The following RABGAP1 variants were observed in gnomAD, a reference collection of about 807,000 sequenced individuals.
RABGAP1 encodes rab GTPase-activating protein 1.
A neutral mutation model predicts 137.6 loss-of-function variants in RABGAP1; 23 were observed. The observed-to-expected ratio is 0.17, with a 90% CI of 0.12 to 0.24. The LOEUF is 0.24. Ranked by LOEUF, RABGAP1 falls within the 10% of genes least tolerant of loss-of-function variation. The pLI, the probability that RABGAP1 is intolerant of heterozygous loss-of-function variation, is 1.00. For missense variants in RABGAP1, 906 were observed against 1,275.8 expected, an observed-to-expected ratio of 0.71 and a Z score of 4.42; for synonymous variants, 451 against 450.7, an observed-to-expected ratio of 1.00 and a Z score of -0.01.
chr9:123,050,325 G>T (rs1010361766), intron 13 of RABGAP1, among the ~76,000 whole-genome samples: 2 of 152,192 alleles, frequency 1.3e-5, no homozygotes, highest in East Asian at 1.9e-4. Context: ...TTGTTAATCA[G>T]TGGCAGTTTT....
chr9:123,073,475 T>C, intron 15 of RABGAP1, 77 bp from the exon 16 acceptor site: 1 of 1,519,744 alleles, frequency 6.6e-7, no homozygotes, highest in Non-Finnish European at 8.9e-7. Flanking sequence ...GGATTTAATA[T>C]CCTGAGAAAA....
chr9:123,035,636 T>C, intron 13 of RABGAP1: 4 of 1,260,942 alleles, frequency 3.2e-6, no homozygotes, highest in African/African-American at 1.6e-5. Flanking sequence ...GTTACGGGGT[T>C]CCCGTGTGTG....
At chr9:123,048,999 A>T (rs1325936957) in intron 13 of RABGAP1, among the ~76,000 whole-genome samples, 2 of 152,232 alleles carry the variant, frequency 1.3e-5, no homozygotes, top group Admixed American at 6.5e-5. Flanking sequence ...ATCACATGGG[A>T]CTTAGATTTA....
At chr9:122,965,011 G>A (rs186790284) in intron 2 of RABGAP1, among the ~76,000 whole-genome samples, 2 of 151,984 alleles carry the variant, frequency 1.3e-5, no homozygotes, top group African/African-American at 2.4e-5. Flanking sequence ...TAGAAAAAAA[G>A]ATTTCAAGAA....
At chr9:122,980,693 A>G (rs1369550531) in intron 2 of RABGAP1, among the ~76,000 whole-genome samples, 1 of 152,226 alleles carries the variant, frequency 6.6e-6, no homozygotes, top group Non-Finnish European at 1.5e-5. Flanking sequence ...ATGTGCCAAA[A>G]GTAAAAATCA....
the RABGAP1 span, among the ~76,000 whole-genome samples, chr9:122,935,463 G>A: frequency 6.6e-6 from 1 of 151,940 alleles, no homozygotes; most frequent in South Asian, 2.1e-4. Context: ...TCAGCCTCCC[G>A]AGTAGCTGGG....
chr9:123,039,484 G>A (rs2032846695), intron 13 of RABGAP1, among the ~76,000 whole-genome samples: 2 of 152,218 alleles, frequency 1.3e-5, no homozygotes, highest in East Asian at 1.9e-4. Context: ...CCTTCTGTAA[G>A]GTATTATAGG....
rs188252971 is a variant in RABGAP1, at chr9:122,964,050, A to G, written c.150+6841A>G. Among the ~76,000 whole-genome samples the G allele has an allele frequency of 2.9e-3, 448 of 152,350 alleles. 2 individuals carry two copies. The highest frequency in any genetic ancestry group is 0.01 in the African/African-American group (422 of 41,588). On this transcript the variant is annotated intron_variant, in intron 2 of 25. Coordinates refer to ENST00000373647, the MANE Select transcript of RABGAP1 (RefSeq NM_012197.4). Reference sequence around the variant, plus strand: ...CTGATAAAATAGTCTGAACAGATCTATAACAAAGAGATTGAATTAGTAATC... The same window carrying G: ...CTGATAAAATAGTCTGAACAGATCTGTAACAAAGAGATTGAATTAGTAATC...
intron 3 of RABGAP1, among the ~76,000 whole-genome samples, chr9:122,985,432 T>C (rs1330942307): frequency 6.6e-6 from 1 of 151,938 alleles, no homozygotes; most frequent in East Asian, 1.9e-4. Context: ...GCCAACATGG[T>C]GAAACCCTGT....
intron 13 of RABGAP1, among the ~76,000 whole-genome samples, chr9:123,046,956 C>T (rs750283500): frequency 6.6e-6 from 1 of 152,138 alleles, no homozygotes. Flanking sequence ...AGAATAGTGA[C>T]AGAGTTAATT....
chr9:122,932,779 G>A, the RABGAP1 span, among the ~76,000 whole-genome samples: 1 of 149,892 alleles, frequency 6.7e-6, no homozygotes, highest in East Asian at 2.0e-4. Context: ...TGATCCACCC[G>A]CCTTGGCCTC....
chr9:122,986,113 A>C, intron 3 of RABGAP1, 102 bp from the exon 4 acceptor site: 1 of 1,067,860 alleles, frequency 9.4e-7, no homozygotes, highest in African/African-American at 1.6e-5. Flanking sequence ...ATTAATACTT[A>C]ATTTTAGACC....
chr9:123,098,070 G>T (rs548487308), intron 22 of RABGAP1, among the ~76,000 whole-genome samples: 1 of 152,322 alleles, frequency 6.6e-6, no homozygotes, highest in Admixed American at 6.5e-5. Flanking sequence ...GAGAATTTCT[G>T]TGTATCAGCA....
At chr9:123,051,445 C>T (rs2132062391) in intron 13 of RABGAP1, among the ~76,000 whole-genome samples, 1 of 150,916 alleles carries the variant, frequency 6.6e-6, no homozygotes, top group African/African-American at 2.4e-5. Context: ...TGGGGTTTCT[C>T]CACGTTGATC....
intron 13 of RABGAP1, among the ~76,000 whole-genome samples, chr9:123,021,129 C>T (rs545897765): frequency 6.6e-6 from 1 of 151,952 alleles, no homozygotes; most frequent in African/African-American, 2.4e-5. Flanking sequence ...GCAGTTTCTC[C>T]AATAGTATGC....
chr9:123,021,319 G>A (rs2031619211), intron 13 of RABGAP1, among the ~76,000 whole-genome samples: 1 of 148,334 alleles, frequency 6.7e-6, no homozygotes, highest in South Asian at 2.1e-4. Context: ...ACCTTATAAG[G>A]GAAGAGCAGG....
At chr9:123,061,354 G>C (rs533943180) in intron 13 of RABGAP1, among the ~76,000 whole-genome samples, 22 of 152,270 alleles carry the variant, frequency 1.4e-4, no homozygotes, top group African/African-American at 5.3e-4. Flanking sequence ...GGCTCAAGTG[G>C]TTTACTCGCC....
intron 7 of RABGAP1, 89 bp from the exon 8 acceptor site, chr9:122,996,450 C>A: frequency 1.6e-6 from 2 of 1,279,540 alleles, no homozygotes; most frequent in Non-Finnish European, 2.2e-6. Flanking sequence ...TCTTTTCTAT[C>A]AGCAAGAATT....
rs777823449 is a variant in RABGAP1 at position 123,098,734 on chromosome 9, G to A, written c.2753G>A (p.Arg918Gln). 3.1e-6 allele frequency: 5 copies of A among 1,613,426 alleles called. No homozygotes were observed. The highest frequency in any genetic ancestry group is 4.5e-5 in the East Asian group (2 of 44,886). Residue 918 changes from arginine to glutamine, a missense_variant, in exon 23 of 26, where the codon CGG (arginine) becomes CAG (glutamine). Transcript: ENST00000373647. ...GTGCAGTTAAAAGAAATGTGCCGTC[G>A]GGAACTCGACAAGGCAGAATCTGAG... is the stretch of plus-strand genomic sequence containing the variant. ...ESAQLKEMCRRELDKAESEIK... is the reference protein window; with the variant it reads ...ESAQLKEMCRQELDKAESEIK...
Sources: allele counts gnomAD v4.1 joint callset (sites outside exome capture counted in the v4.1 genomes callset), GRCh38; gene constraint gnomAD v4.1.1; transcripts MANE v1.5; gene names NCBI Gene and HGNC (gene_info 2026-07-23, HGNC 2026-07-21).